CAMK4: variants seen among roughly 807,000 people sequenced by gnomAD.
The protein encoded by CAMK4 is calcium/calmodulin dependent protein kinase IV.
CAMK4 carries 22 observed loss-of-function variants against 44.9 expected under a neutral mutation model. The ratio of observed to expected loss-of-function variants is 0.49; its 90% CI spans 0.35 to 0.70. CAMK4 has a LOEUF of 0.70. CAMK4 is among the 30% of genes least tolerant of loss of function. CAMK4 has a pLI of 0.01. For missense variants in CAMK4, 498 were observed against 586.8 expected (o/e 0.85, Z 1.56); for synonymous variants, 218 against 215.4 (o/e 1.01, Z -0.11).
chr5:111,374,419 G>A (rs1381388698), intron 2 of CAMK4, among the ~76,000 whole-genome samples: 2 of 152,122 alleles, frequency 1.3e-5, no homozygotes, highest in Admixed American at 6.6e-5. Flanking sequence ...CCAGGGAACA[G>A]GATACTCTTG....
intron 1 of CAMK4, among the ~76,000 whole-genome samples, chr5:111,325,504 C>T (rs1748845586): frequency 6.6e-6 from 1 of 152,070 alleles, no homozygotes; most frequent in Non-Finnish European, 1.5e-5. Flanking sequence ...TCCTATTTCT[C>T]CACAGCCTCG....
intron 1 of CAMK4, among the ~76,000 whole-genome samples, chr5:111,342,546 A>G (rs746287486): frequency 2.0e-5 from 2 of 101,176 alleles, no homozygotes; most frequent in Non-Finnish European, 4.1e-5. Flanking sequence ...TGTACACAGC[A>G]TATAGTTTGG....
intron 1 of CAMK4, among the ~76,000 whole-genome samples, chr5:111,233,980 T>A (rs1442155000): frequency 6.6e-6 from 1 of 152,214 alleles, no homozygotes; most frequent in East Asian, 1.9e-4. Context: ...TTTCTTTTTT[T>A]AATTTTTGTC....
chr5:111,386,646 C>T lies in CAMK4; in HGVS notation c.387-8064C>T, dbSNP rs548521190. On this transcript the variant is annotated intron_variant, in intron 4 of 10. Coordinates refer to ENST00000282356, the MANE Select transcript of CAMK4 (RefSeq NM_001744.6). The stretch of plus-strand genomic sequence containing the variant: ...GCTCCATAGAGAGAAATAGGCATTG[C>T]CTGTATTTTTTCATCCTATAAATTT... Among the ~76,000 whole-genome samples the T allele has an allele frequency of 2.6e-5, 4 of 152,298 alleles. No individual in the cohort carries two copies. In the South Asian group the frequency reaches 6.2e-4, roughly 24 times the overall value.
At chr5:111,271,950 C>T (rs1580511829) in intron 1 of CAMK4, among the ~76,000 whole-genome samples, 1 of 152,098 alleles carries the variant, frequency 6.6e-6, no homozygotes, top group African/African-American at 2.4e-5. Context: ...TTCTCTCCCG[C>T]GATTCTTGAA....
At chr5:111,383,414 A>G (rs1210857323) in intron 4 of CAMK4, among the ~76,000 whole-genome samples, 2 of 152,178 alleles carry the variant, frequency 1.3e-5, no homozygotes, top group Non-Finnish European at 2.9e-5. Flanking sequence ...ATAAACTAAT[A>G]AAAGAGCCTA....
chr5:111,396,631 CTTTTTTTTTTT>C (rs540495109), intron 5 of CAMK4, among the ~76,000 whole-genome samples: 2 of 47,008 alleles, frequency 4.3e-5, no homozygotes, highest in African/African-American at 8.7e-5. Context: ...AACTCATATT[CTTTTTTTTTTT>C]TTTTTTTTTT....
At chr5:111,339,355 G>A (rs1313965788) in intron 1 of CAMK4, among the ~76,000 whole-genome samples, 3 of 151,214 alleles carry the variant, frequency 2.0e-5, no homozygotes, top group Non-Finnish European at 3.0e-5. Context: ...TAGTTTTACA[G>A]CTTCAGGTAT....
chr5:111,398,233 C>T (rs578210043), intron 5 of CAMK4, among the ~76,000 whole-genome samples: 2 of 152,320 alleles, frequency 1.3e-5, no homozygotes, highest in South Asian at 2.1e-4. Flanking sequence ...ACACAAATAT[C>T]GTTTGATCTT....
intron 7 of CAMK4, among the ~76,000 whole-genome samples, chr5:111,450,079 G>C (rs993569227): frequency 1.3e-5 from 2 of 152,080 alleles, no homozygotes; most frequent in South Asian, 4.2e-4. Context: ...AGCACTTTGG[G>C]AGGCCAAGGT....
At chr5:111,310,088 A>G (rs1171331541) in intron 1 of CAMK4, among the ~76,000 whole-genome samples, 1 of 152,098 alleles carries the variant, frequency 6.6e-6, no homozygotes, top group Non-Finnish European at 1.5e-5. Context: ...TGGTGCATAT[A>G]TTTACCTAGG....
intron 5 of CAMK4, among the ~76,000 whole-genome samples, chr5:111,415,606 A>G (rs1752787495): frequency 6.6e-6 from 1 of 152,202 alleles, no homozygotes; most frequent in Non-Finnish European, 1.5e-5. Context: ...AGTATTATCC[A>G]TGGTTTCAGG....
intron 1 of CAMK4, among the ~76,000 whole-genome samples, chr5:111,310,239 C>T (rs1239580564): frequency 2.0e-5 from 3 of 152,180 alleles, no homozygotes; most frequent in South Asian, 4.1e-4. Flanking sequence ...TTTCTACCTC[C>T]TCACCTCCAT....
intron 1 of CAMK4, among the ~76,000 whole-genome samples, chr5:111,251,856 G>A (rs1343929501): frequency 6.6e-6 from 1 of 151,948 alleles, no homozygotes; most frequent in Non-Finnish European, 1.5e-5. Context: ...AATGTTATGT[G>A]TATGTGACTT....
intron 1 of CAMK4, among the ~76,000 whole-genome samples, chr5:111,229,377 T>G (rs918713121): frequency 6.6e-6 from 1 of 152,180 alleles, no homozygotes; most frequent in Non-Finnish European, 1.5e-5. Flanking sequence ...TTCTTACAAG[T>G]GCACTGATCC....
Position 111,392,646 on chromosome 5 carries a change from T to C in CAMK4, c.387-2064T>C, listed in dbSNP as rs774248893. 2.0e-5 allele frequency among the ~76,000 whole-genome samples: 3 copies of C among 152,002 alleles called. No homozygotes were observed. In the South Asian group the frequency reaches 6.2e-4, roughly 32 times the overall value. ...AAATGGACCACATAGTAAAAACATA[T>C]ATAAAACATTTTGTACATATTAACC... On this transcript the variant is annotated intron_variant, in intron 4 of 10. Coordinates refer to ENST00000282356, the MANE Select transcript of CAMK4 (RefSeq NM_001744.6).
chr5:111,314,681 C>T (rs191929385), intron 1 of CAMK4, among the ~76,000 whole-genome samples: 1 of 152,000 alleles, frequency 6.6e-6, no homozygotes, highest in Non-Finnish European at 1.5e-5. Context: ...TGTTTCATTT[C>T]TGTTCTTGAA....
rs1223253148 is a variant in CAMK4 at position 111,442,722 on chromosome 5, T to A, written c.460-3964T>A. Reference sequence around the variant, plus strand: ...TAATTTTTTGTTTTAGAAAATACAGTTATTTTTATTTTAGAATGTAGTATA... The same window carrying A: ...TAATTTTTTGTTTTAGAAAATACAGATATTTTTATTTTAGAATGTAGTATA... On this transcript the variant is annotated intron_variant, in intron 5 of 10. Coordinates refer to ENST00000282356, the MANE Select transcript of CAMK4 (RefSeq NM_001744.6). Among the ~76,000 whole-genome samples, 5 of 148,708 alleles carry A rather than the reference T, an allele frequency of 3.4e-5. 1 individual carries two copies. Among genetic ancestry groups the A allele is most frequent in the Non-Finnish European group, 5.9e-5 (4 of 67,252 alleles).
At chr5:111,263,941 A>AT (rs1300818931) in intron 1 of CAMK4, among the ~76,000 whole-genome samples, 1 of 152,156 alleles carries the variant, frequency 6.6e-6, no homozygotes, top group African/African-American at 2.4e-5. Flanking sequence ...AGAAAAAAAA[A>AT]GCCACCTCAC....
Sources: allele counts gnomAD v4.1 joint callset (sites outside exome capture counted in the v4.1 genomes callset), GRCh38; gene constraint gnomAD v4.1.1; transcripts MANE v1.5; gene names NCBI Gene and HGNC (gene_info 2026-07-23, HGNC 2026-07-21).